The following CCDC73 variants were observed in gnomAD, a reference collection of about 807,000 sequenced individuals.
CCDC73 encodes the protein coiled-coil domain containing 73.
CCDC73 carries 95 observed loss-of-function variants against 116.5 expected under a neutral mutation model. The observed-to-expected ratio is 0.82, with a 90% confidence interval of 0.69 to 0.97. CCDC73 has a LOEUF of 0.97. CCDC73 is among the 50% of genes least tolerant of loss of function. CCDC73 has a pLI of 0.00. For missense variants in CCDC73, 1,066 were observed against 1,206.8 expected, an observed-to-expected ratio of 0.88 and a Z score of 1.73; for synonymous variants, 398 against 401.3, an observed-to-expected ratio of 0.99 and a Z score of 0.10.
chr11:32,757,721 C>T (rs1850356130), intron 2 of CCDC73, among the ~76,000 whole-genome samples: 1 of 152,170 alleles, frequency 6.6e-6, no homozygotes, highest in African/African-American at 2.4e-5. Context: ...ATCTTCCAGT[C>T]GCTTTCTCTT....
At chr11:32,742,838 T>C (rs1850200678) in intron 2 of CCDC73, among the ~76,000 whole-genome samples, 2 of 152,180 alleles carry the variant, frequency 1.3e-5, no homozygotes, top group Non-Finnish European at 2.9e-5. Context: ...TTGTATAAGG[T>C]GTAAGGAAGG....
chr11:32,621,569 C>A (rs1855523443), intron 14 of CCDC73, among the ~76,000 whole-genome samples: 1 of 151,950 alleles, frequency 6.6e-6, no homozygotes, highest in East Asian at 1.9e-4. Context: ...CCATAAAAAC[C>A]CTAGAAGAAA....
At chr11:32,776,931 AAAAAAAT>A (rs1850537131) in intron 1 of CCDC73, among the ~76,000 whole-genome samples, 1 of 25,724 alleles carries the variant, frequency 3.9e-5, no homozygotes, top group African/African-American at 1.1e-4. Context: ...TGGTTAAAAA[AAAAAAAT>A]ATATATATAT....
chr11:32,696,342 C>CT (rs1565078292), intron 6 of CCDC73, among the ~76,000 whole-genome samples: 1 of 152,052 alleles, frequency 6.6e-6, no homozygotes, highest in Non-Finnish European at 1.5e-5. Context: ...ACATTTCCTT[C>CT]TATATAGGTC....
chr11:32,660,664 A>C (rs558865453), intron 9 of CCDC73, among the ~76,000 whole-genome samples: 19 of 152,016 alleles, frequency 1.2e-4, no homozygotes, highest in Non-Finnish European at 2.6e-4. Context: ...ATCTCTAAAA[A>C]AAAACAAAAA....
chr11:32,799,090 CAT>C (rs1491423440), upstream of CCDC73, among the ~76,000 whole-genome samples: 113 of 101,462 alleles, frequency 1.1e-3, 1 homozygote, highest in South Asian at 0.022. Context: ...TTTTTCTTTT[CAT>C]TTTTTTTTTT....
At chr11:32,639,513 G>A (rs1029496322) in intron 13 of CCDC73, among the ~76,000 whole-genome samples, 5 of 151,622 alleles carry the variant, frequency 3.3e-5, no homozygotes, top group East Asian at 1.9e-4. Context: ...GCAGTGGTGC[G>A]ATCTCGGCTC....
intron 1 of CCDC73, among the ~76,000 whole-genome samples, chr11:32,787,711 A>C (rs1298625496): frequency 6.6e-6 from 1 of 152,174 alleles, no homozygotes; most frequent in Non-Finnish European, 1.5e-5. Context: ...TTGTCACAAA[A>C]AGTGAATCTT....
chr11:32,670,158 T>A (rs1178383222), intron 9 of CCDC73, among the ~76,000 whole-genome samples: 2 of 152,210 alleles, frequency 1.3e-5, no homozygotes, highest in South Asian at 4.1e-4. Context: ...GCAATTTTGA[T>A]TTTCCTATAT....
intron 2 of CCDC73, among the ~76,000 whole-genome samples, chr11:32,751,234 G>C (rs563724622): frequency 6.6e-6 from 1 of 152,270 alleles, no homozygotes; most frequent in South Asian, 2.1e-4. Context: ...TCTTCAAGCA[G>C]GAAGGAGTCT....
intron 2 of CCDC73, among the ~76,000 whole-genome samples, chr11:32,728,369 C>T (rs1850047058): frequency 1.3e-5 from 2 of 152,084 alleles, no homozygotes; most frequent in African/African-American, 4.8e-5. Flanking sequence ...GTTCAAATTG[C>T]TCCAGTTTTA....
chr11:32,801,667 A>G, the CCDC73 span, among the ~76,000 whole-genome samples: 1,909 of 152,076 alleles, frequency 0.013, 38 homozygotes, highest in African/African-American at 0.044. Flanking sequence ...ACACTAACAA[A>G]ATTATAACTC....
chr11:32,738,541 T>A (rs1381321266), intron 2 of CCDC73, among the ~76,000 whole-genome samples: 1 of 152,158 alleles, frequency 6.6e-6, no homozygotes, highest in South Asian at 2.1e-4. Context: ...ATTTTTAAAT[T>A]GGATTGTTAG....
At chr11:32,767,042 G>A (rs959805465) in intron 1 of CCDC73, among the ~76,000 whole-genome samples, 2 of 152,176 alleles carry the variant, frequency 1.3e-5, no homozygotes, top group African/African-American at 4.8e-5. Context: ...AACAAAGCTG[G>A]AGGCATCACG....
intron 2 of CCDC73, among the ~76,000 whole-genome samples, chr11:32,731,543 C>T (rs770921757): frequency 6.6e-6 from 1 of 152,094 alleles, no homozygotes; most frequent in Non-Finnish European, 1.5e-5. Flanking sequence ...CTCATACAGC[C>T]GTGTGCCCCT....
the CCDC73 span, among the ~76,000 whole-genome samples, chr11:32,821,330 T>G: frequency 6.6e-6 from 1 of 152,174 alleles, no homozygotes; most frequent in Non-Finnish European, 1.5e-5. Flanking sequence ...ATTAAATGTG[T>G]CCAAAAAAAT....
In CCDC73 at chr11:32,638,684, G is replaced by T. The variant is rs1196084495; in HGVS notation, c.1051-2854C>A. On this transcript the variant is annotated intron_variant, in intron 13 of 17. Coordinates refer to ENST00000335185, the MANE Select transcript of CCDC73 (RefSeq NM_001008391.4). Reference sequence around the variant, plus strand: ...AGTAGAGACGGGGTTTCACCGTGTTGGCCAGGATGGTCTTGATCTCCTGAC... The same window carrying T: ...AGTAGAGACGGGGTTTCACCGTGTTTGCCAGGATGGTCTTGATCTCCTGAC... Among the ~76,000 whole-genome samples, 10 of 151,600 alleles carry T rather than the reference G, an allele frequency of 6.6e-5. No individual in the cohort carries two copies. In the East Asian group the frequency reaches 1.8e-3, roughly 27 times the overall value.
At chr11:32,823,317 T>A in the CCDC73 span, among the ~76,000 whole-genome samples, 1 of 151,866 alleles carries the variant, frequency 6.6e-6, no homozygotes, top group African/African-American at 2.4e-5. Context: ...CTACTAAAAA[T>A]ACAAAAATTA....
chr11:32,657,327 T>C (rs889988220), intron 9 of CCDC73, among the ~76,000 whole-genome samples: 17 of 152,222 alleles, frequency 1.1e-4, no homozygotes, highest in African/African-American at 3.6e-4. Context: ...ATAAAATGAC[T>C]GCTAAAGTAA....
Sources: allele counts gnomAD v4.1 joint callset (sites outside exome capture counted in the v4.1 genomes callset), GRCh38; gene constraint gnomAD v4.1.1; transcripts MANE v1.5; gene names NCBI Gene and HGNC (gene_info 2026-07-23, HGNC 2026-07-21).